Variants in ZNF529 observed in about 807,000 individuals in gnomAD.
ZNF529 encodes the protein zinc finger protein 529.
ZNF529 carries 11 observed loss-of-function variants against 10.1 expected under a neutral mutation model. The ratio of observed to expected loss-of-function variants is 1.09; its 90% confidence interval spans 0.69 to 1.81. The LOEUF is 1.81. ZNF529 is among the 40% of genes most tolerant of loss of function. The probability of loss-of-function intolerance (pLI) is 0.00; values close to 1 mark genes in which losing one functional copy is unlikely to be tolerated. For synonymous variants in ZNF529, 204 were observed against 215.7 expected (o/e 0.95, Z 0.47); for missense variants, 624 against 666.8 (o/e 0.94, Z 0.71).
chr19:36,576,911 T>A (rs777700986), upstream of ZNF529, among the ~76,000 whole-genome samples: 26 of 151,782 alleles, frequency 1.7e-4, no homozygotes, highest in Non-Finnish European at 2.9e-4. Flanking sequence ...CCTCATCATG[T>A]CCACATATCT....
intron 1 of ZNF529, among the ~76,000 whole-genome samples, chr19:36,596,221 G>A (rs988612759): frequency 1.3e-5 from 2 of 151,652 alleles, no homozygotes; most frequent in Non-Finnish European, 2.9e-5. Flanking sequence ...CTACAGGCGT[G>A]TGCCACCACA....
At chr19:36,566,596 G>A (rs113572793) in intron 2 of ZNF529, among the ~76,000 whole-genome samples, 19 of 151,604 alleles carry the variant, frequency 1.3e-4, no homozygotes, top group South Asian at 4.2e-4. Context: ...GGTGGGGGGC[G>A]GGGGTGTGTG....
At chr19:36,570,958 C>T (rs532451731) in intron 2 of ZNF529, among the ~76,000 whole-genome samples, 1 of 152,248 alleles carries the variant, frequency 6.6e-6, no homozygotes, top group African/African-American at 2.4e-5. Flanking sequence ...TGTTTACATT[C>T]TACAACAAGA....
chr19:36,573,677 G>C, upstream of ZNF529: 1 of 346,850 alleles, frequency 2.9e-6, no homozygotes, highest in Non-Finnish European at 5.9e-6. Context: ...GCCCGGGCCG[G>C]GGAGGGTGAA....
chr19:36,549,611 C>G (rs561599181), intron 4 of ZNF529, among the ~76,000 whole-genome samples: 4 of 152,208 alleles, frequency 2.6e-5, no homozygotes, highest in African/African-American at 9.6e-5. Flanking sequence ...TATTTATTTT[C>G]CAACTGCTTC....
At chr19:36,555,022 T>C (rs1185757582) in intron 3 of ZNF529, among the ~76,000 whole-genome samples, 1 of 152,198 alleles carries the variant, frequency 6.6e-6, no homozygotes, top group African/African-American at 2.4e-5. Context: ...GGATCTCTTA[T>C]TTAGCCAACC....
At chr19:36,587,735 GTAAGT>G (rs1412723540) in intron 2 of ZNF529, among the ~76,000 whole-genome samples, 2 of 152,266 alleles carry the variant, frequency 1.3e-5, no homozygotes, top group East Asian at 3.9e-4. Context: ...AAACATTATG[GTAAGT>G]TAAGCTAGTC....
intron 2 of ZNF529, among the ~76,000 whole-genome samples, chr19:36,560,355 C>T (rs962652801): frequency 6.7e-6 from 1 of 149,768 alleles, no homozygotes; most frequent in African/African-American, 2.5e-5. Flanking sequence ...AACTGATATA[C>T]AAATTTTATG....
chr19:36,572,505 G>A, intron 1 of ZNF529, 113 bp from the exon 2 acceptor site: 2 of 782,940 alleles, frequency 2.6e-6, no homozygotes, highest in Non-Finnish European at 4.1e-6. Context: ...CCAGATCGAA[G>A]AGGGAAACTA....
At chr19:36,568,430 TTGAGGTAC>T (rs140054063) in intron 2 of ZNF529, among the ~76,000 whole-genome samples, 48,889 of 150,992 alleles carry the variant, frequency 0.32, 8,253 homozygotes, top group South Asian at 0.42. Flanking sequence ...TGTGGGCTCC[TTGAGGTAC>T]TGAGGTACTG....
intron 2 of ZNF529, among the ~76,000 whole-genome samples, chr19:36,578,294 T>TTTTC (rs2036382100): frequency 6.4e-5 from 1 of 15,658 alleles, no homozygotes; most frequent in Non-Finnish European, 1.5e-4. Context: ...TTGATCTCTT[T>TTTTC]TTTTTTTTTT....
intron 2 of ZNF529, among the ~76,000 whole-genome samples, chr19:36,569,568 T>C (rs2036020780): frequency 6.6e-6 from 1 of 151,690 alleles, no homozygotes; most frequent in East Asian, 1.9e-4. Flanking sequence ...ATTTCCAGAC[T>C]AGTCTAGCCA....
chr19:36,555,981 C>T, intron 3 of ZNF529, 123 bp downstream of exon 3: 3 of 957,200 alleles, frequency 3.1e-6, no homozygotes, highest in Non-Finnish European at 4.7e-6. Flanking sequence ...TGCTGTTAGA[C>T]TCCAGCCCTT....
chr19:36,561,296 G>A (rs1452830626), intron 2 of ZNF529, among the ~76,000 whole-genome samples: 2 of 152,184 alleles, frequency 1.3e-5, no homozygotes, highest in East Asian at 3.8e-4. Context: ...AGGGCAAAGT[G>A]GTGAACCTCA....
At position 36,548,229 on chromosome 19, in the gene ZNF529, T is replaced by G. The variant is rs2145787157; in HGVS notation, c.329A>C (p.Lys110Thr). The G allele has an allele frequency of 1.2e-6, 2 of 1,613,912 alleles. No homozygotes were observed. The highest frequency in any genetic ancestry group is 4.5e-5 in the East Asian group (2 of 44,858). Reference sequence around the variant, plus strand: ...AATGGAACCTTCAAGGCCACATAACTTGCTACTTTCCATTACCTCCCACTG... The same window carrying G: ...AATGGAACCTTCAAGGCCACATAACGTGCTACTTTCCATTACCTCCCACTG... ...GSQWEVMESS[K>T]LCGLEGSIFR... Residue 110 changes from lysine (K) to threonine (T), a missense_variant, in exon 5 of 5, where the codon AAG (lysine) becomes ACG (threonine). Transcript: ENST00000591340.
intron 1 of ZNF529, among the ~76,000 whole-genome samples, chr19:36,601,465 C>G (rs1490228209): frequency 2.6e-5 from 4 of 152,028 alleles, no homozygotes; most frequent in African/African-American, 7.2e-5. Context: ...GGTGGGAGGA[C>G]TGCTTGAGCC....
At position 36,546,609 on chromosome 19, in the gene ZNF529, C is replaced by A; in HGVS notation, c.*257G>T. 5.5e-6 allele frequency: 2 copies of A among 365,382 alleles called. No homozygotes were observed. Among genetic ancestry groups the A allele is most frequent in the South Asian group, 7.4e-5 (1 of 13,426 alleles). The allele number at this position is 365,382 out of a possible 1,614,324, so 22.6% of individuals were successfully genotyped here. A position where few individuals can be genotyped will look rare whatever the true frequency, so the allele number is the denominator to read the frequency against. On this transcript the variant is annotated 3_prime_UTR_variant, in exon 5 of 5. Coordinates refer to ENST00000591340, the MANE Select transcript of ZNF529 (RefSeq NM_020951.5). ...TACAAACATCAAAAGCTATTGTAAACAAAACATGCCAGGATGAGAAACTCA... is the reference window on the plus strand; with the variant it reads ...TACAAACATCAAAAGCTATTGTAAAAAAAACATGCCAGGATGAGAAACTCA...
chr19:36,548,274 A>G lies in ZNF529; in HGVS notation c.284T>C (p.Ile95Thr), dbSNP rs2035128843. ...ETKHLSVGKD[I>T]IQNTGSQWEV... is the part of the protein sequence containing the mutation. ...CCACTGAGAACCAGTGTTTTGAATAATATCTTTTCCTACAGATAAATGCTT... is the reference window on the plus strand; with the variant it reads ...CCACTGAGAACCAGTGTTTTGAATAGTATCTTTTCCTACAGATAAATGCTT... Residue 95 changes from isoleucine (I) to threonine (T), a missense_variant, in exon 5 of 5, where the codon ATT (isoleucine) becomes ACT (threonine). Ile to Thr is a moderately conservative substitution (Grantham distance 89). Transcript: ENST00000591340. 3 of 1,609,694 alleles carry G rather than the reference A, an allele frequency of 1.9e-6. No homozygotes were observed. The highest frequency in any genetic ancestry group is 1.3e-5 in the African/African-American group (1 of 74,830).
chr19:36,547,044 G>C lies in ZNF529; in HGVS notation c.1514C>G (p.Pro505Arg), dbSNP rs751823405. Residue 505 changes from proline (P) to arginine (R), a missense_variant, in exon 5 of 5, where the codon CCC becomes CGC. Physicochemically the swap from Pro to Arg is moderately radical, Grantham distance 103. Coordinates refer to ENST00000591340, the MANE Select transcript of ZNF529 (RefSeq NM_020951.5). ...CTTCCCACATGCCTTGCATTCATAG[G>C]GTTTTTCTCCAGTATGAATTCTCTG... is the stretch of plus-strand genomic sequence containing the variant. ...EHQRIHTGEK[P>R]YECKACGKAF... 1.7e-5 allele frequency: 27 copies of C among 1,613,838 alleles called. No homozygotes were observed. The highest frequency in any genetic ancestry group is 2.3e-5 in the Non-Finnish European group (27 of 1,179,950).
Sources: allele counts gnomAD v4.1 joint callset (sites outside exome capture counted in the v4.1 genomes callset), GRCh38; gene constraint gnomAD v4.1.1; transcripts MANE v1.5; gene names NCBI Gene and HGNC (gene_info 2026-07-23, HGNC 2026-07-21).